Variants in TRAF3 observed in about 807,000 individuals in gnomAD.
The protein encoded by TRAF3 is TNF receptor-associated factor 3.
A neutral mutation model predicts 62.3 loss-of-function variants in TRAF3; 13 were observed. The observed-to-expected ratio is 0.21, with a 90% confidence interval of 0.14 to 0.33. The LOEUF (loss-of-function observed/expected upper bound fraction) is 0.33, where lower values mean the gene tolerates loss of function less well. Ranked by LOEUF, TRAF3 falls within the 10% of genes least tolerant of loss-of-function variation. The pLI, the probability that TRAF3 is intolerant of heterozygous loss-of-function variation, is 1.00. For missense variants in TRAF3, 440 were observed against 741.8 expected (o/e 0.59, Z 4.73); for synonymous variants, 269 against 283.4 (o/e 0.95, Z 0.51).
At chr14:102,819,309 C>T (rs916091715) in intron 1 of TRAF3, among the ~76,000 whole-genome samples, 1 of 152,144 alleles carries the variant, frequency 6.6e-6, no homozygotes, top group Non-Finnish European at 1.5e-5. Flanking sequence ...CTGAGTGTTA[C>T]ATCAGCACCT....
At chr14:102,829,184 A>G (rs72704704) in intron 1 of TRAF3, among the ~76,000 whole-genome samples, 8 of 152,336 alleles carry the variant, frequency 5.3e-5, no homozygotes, top group South Asian at 2.1e-4. Flanking sequence ...TATATGTCCA[A>G]TGCCAAGAAA....
intron 1 of TRAF3, among the ~76,000 whole-genome samples, chr14:102,778,952 A>G (rs1051977268): frequency 6.6e-6 from 1 of 152,212 alleles, no homozygotes; most frequent in African/African-American, 2.4e-5. Context: ...CTCAAATGAG[A>G]GGAAATGTGT....
chr14:102,870,046 A>G (rs139364305), intron 2 of TRAF3, 139 bp from the exon 3 acceptor site: 2 of 962,878 alleles, frequency 2.1e-6, no homozygotes, highest in African/African-American at 1.6e-5. Context: ...TGTTCCCAAC[A>G]CATATTAAAG....
intron 2 of TRAF3, among the ~76,000 whole-genome samples, chr14:102,846,013 T>G (rs920787527): frequency 3.7e-5 from 5 of 133,462 alleles, no homozygotes; most frequent in Non-Finnish European, 7.9e-5. Context: ...AAAAAAATAC[T>G]ATTATACCGC....
chr14:102,903,887 A>T lies in TRAF3; in HGVS notation c.1135+458A>T, dbSNP rs946075817. The T allele has an allele frequency of 1.2e-5, 5 of 433,340 alleles. No homozygotes were observed. The highest frequency in any genetic ancestry group is 1.0e-4 in the African/African-American group (5 of 49,266). 26.8% of individuals were successfully genotyped at this position (433,340 alleles called of 1,614,324 possible). A position where few individuals can be genotyped will look rare whatever the true frequency, so the allele number is the denominator to read the frequency against. On this transcript the variant is annotated intron_variant, in intron 11 of 11. Transcript: ENST00000392745. This position sits in a 1 kb window ranked among gnomAD's most constrained non-coding sequence, Gnocchi z 6.4. ...TGTGGGCCTATGGCTTTGGGGACTG[A>T]AAGAGTATTGGGAATATTTACATGA...
intron 2 of TRAF3, among the ~76,000 whole-genome samples, chr14:102,837,124 G>A (rs1323601873): frequency 2.9e-5 from 2 of 68,842 alleles, no homozygotes; most frequent in Non-Finnish European, 4.7e-5. Flanking sequence ...TAATTTGTGT[G>A]TGTGTGTGTG....
intron 2 of TRAF3, among the ~76,000 whole-genome samples, chr14:102,855,359 G>T (rs1566777388): frequency 6.6e-6 from 1 of 152,130 alleles, no homozygotes; most frequent in African/African-American, 2.4e-5. Context: ...GAGTGGAATT[G>T]CTGGGTCATA....
chr14:102,889,778 C>T (rs1889606280), intron 8 of TRAF3, 144 bp downstream of exon 8: 1 of 976,824 alleles, frequency 1.0e-6, no homozygotes, highest in Admixed American at 1.9e-5. Flanking sequence ...GTGACGAAAG[C>T]CACATGCAGC....
chr14:102,864,147 CTTT>C (rs1022782387), intron 2 of TRAF3, among the ~76,000 whole-genome samples: 6 of 133,940 alleles, frequency 4.5e-5, no homozygotes, highest in Non-Finnish European at 4.8e-5. Flanking sequence ...TTGCCTTTTT[CTTT>C]TTTTTTTTTT....
At chr14:102,779,931 C>T (rs543054115) in intron 1 of TRAF3, among the ~76,000 whole-genome samples, 1 of 152,352 alleles carries the variant, frequency 6.6e-6, no homozygotes, top group South Asian at 2.1e-4. Flanking sequence ...GGCGACGTCT[C>T]GTGGCCAAGG....
At chr14:102,869,678 C>T (rs1435355887) in intron 2 of TRAF3, among the ~76,000 whole-genome samples, 5 of 151,638 alleles carry the variant, frequency 3.3e-5, no homozygotes, top group East Asian at 2.0e-4. Flanking sequence ...TGGTGGTGGC[C>T]GCCTGTAGTC....
At chr14:102,869,078 C>T (rs1449806359) in intron 2 of TRAF3, among the ~76,000 whole-genome samples, 1 of 152,228 alleles carries the variant, frequency 6.6e-6, no homozygotes, top group African/African-American at 2.4e-5. Flanking sequence ...CCTACCTGAA[C>T]CCGAGCCCCC....
At chr14:102,808,015 AATTTT>A (rs1898877396) in intron 1 of TRAF3, among the ~76,000 whole-genome samples, 2 of 152,180 alleles carry the variant, frequency 1.3e-5, no homozygotes, top group African/African-American at 2.4e-5. Flanking sequence ...AAAGAAATGA[AATTTT>A]ATTTTGTTAG....
In TRAF3 at chr14:102,875,632, G is replaced by A; in HGVS notation, c.306G>A (p.Lys102=). ...TGATCTTTCATTTTCAGGTGTTTAAGGATAATTGCTGCAAGAGAGAAATTC... is the reference window on the plus strand; with the variant it reads ...TGATCTTTCATTTTCAGGTGTTTAAAGATAATTGCTGCAAGAGAGAAATTC... ...QESIVKDKVF[K]DNCCKREILA... Residue 102 remains lysine (K), a synonymous_variant, in exon 5 of 12, where the codon AAG becomes AAA. Coordinates refer to ENST00000392745, the MANE Select transcript of TRAF3 (RefSeq NM_145725.3). The A allele has an allele frequency of 1.9e-6, 3 of 1,613,078 alleles. No homozygotes were observed. The highest frequency in any genetic ancestry group is 2.5e-6 in the Non-Finnish European group (3 of 1,179,358).
At chr14:102,856,837 A>C (rs1887401497) in intron 2 of TRAF3, among the ~76,000 whole-genome samples, 1 of 152,144 alleles carries the variant, frequency 6.6e-6, no homozygotes, top group Non-Finnish European at 1.5e-5. Flanking sequence ...CCTAACTATG[A>C]GGGTCTCTTG....
chr14:102,786,405 G>T (rs10133697), intron 1 of TRAF3, among the ~76,000 whole-genome samples: 4,109 of 152,278 alleles, frequency 0.027, 175 homozygotes, highest in African/African-American at 0.094. Context: ...AAGTGAGCCT[G>T]GGCTGGGTGC....
chr14:102,864,029 C>T (rs556367487), intron 2 of TRAF3, among the ~76,000 whole-genome samples: 40 of 152,236 alleles, frequency 2.6e-4, no homozygotes, highest in African/African-American at 7.0e-4. Context: ...ATGGAACTCG[C>T]GGTTCTTGCT....
chr14:102,801,914 G>T (rs1898447501), intron 1 of TRAF3, among the ~76,000 whole-genome samples: 2 of 150,704 alleles, frequency 1.3e-5, no homozygotes, highest in South Asian at 4.2e-4. Flanking sequence ...TACTCAGGAG[G>T]CTGAGGCAGG....
chr14:102,807,820 C>T (rs745801815), intron 1 of TRAF3, among the ~76,000 whole-genome samples: 18 of 152,232 alleles, frequency 1.2e-4, no homozygotes, highest in South Asian at 2.1e-4. Flanking sequence ...GAAAGGTAGG[C>T]GCATAGTGAT....
Sources: allele counts gnomAD v4.1 joint callset (sites outside exome capture counted in the v4.1 genomes callset), GRCh38; gene constraint gnomAD v4.1.1; non-coding constraint Gnocchi (gnomAD v3.1); transcripts MANE v1.5; gene names NCBI Gene and HGNC (gene_info 2026-07-23, HGNC 2026-07-21).